MIAT: variants seen among roughly 807,000 people sequenced by gnomAD.
MIAT encodes the protein MI related novel mRNA.
intron 2 of MIAT, among the ~76,000 whole-genome samples, chr22:26,657,018 A>C (rs1425958699): frequency 1.3e-5 from 2 of 152,076 alleles, no homozygotes; most frequent in Admixed American, 6.5e-5. Flanking sequence ...TCAAATCTGG[A>C]CTCCACCATA....
exon 4 of MIAT, chr22:26,666,303 A>T: frequency 2.5e-6 from 1 of 398,648 alleles, no homozygotes; most frequent in Non-Finnish European, 4.4e-6. Context: ...GTGGTCTTAA[A>T]AGAGTCCTAG....
chr22:26,667,640 G>GA (rs11428205), intron 5 of MIAT: 2 of 231,580 alleles, frequency 8.6e-6, no homozygotes, highest in Admixed American at 1.2e-4. Context: ...TGCCTGGTGG[G>GA]TATTCTCAGC....
exon 4 of MIAT, chr22:26,666,430 C>A: frequency 2.5e-6 from 1 of 398,672 alleles, no homozygotes; most frequent in East Asian, 3.6e-5. Flanking sequence ...CTTCCATTTC[C>A]CATCCATTGC....
intron 2 of MIAT, among the ~76,000 whole-genome samples, chr22:26,658,982 A>G (rs1347180424): frequency 2.0e-5 from 3 of 152,212 alleles, no homozygotes; most frequent in African/African-American, 7.2e-5. Flanking sequence ...GACGCAGGGC[A>G]GGGATGAGTA....
At chr22:26,673,702 AAC>A (rs1166784123), downstream of MIAT, 35 of 398,566 alleles carry the variant, frequency 8.8e-5, no homozygotes, top group African/African-American at 5.4e-4. Flanking sequence ...GAACTTGACT[AAC>A]ACAGGGAAAA....
chr22:26,663,588 G>T (rs1200711594), intron 3 of MIAT: 1 of 387,590 alleles, frequency 2.6e-6, no homozygotes, highest in East Asian at 3.7e-5. Context: ...CTTGAAGTGG[G>T]TGGTCTGTGT....
intron 2 of MIAT, among the ~76,000 whole-genome samples, chr22:26,657,959 C>A (rs1220407833): frequency 6.6e-6 from 1 of 152,110 alleles, no homozygotes; most frequent in Non-Finnish European, 1.5e-5. Flanking sequence ...GGAACAAAGA[C>A]CCTTTCCTTC....
chr22:26,651,024 G>A (rs540888054), intron 2 of MIAT, among the ~76,000 whole-genome samples: 2 of 152,276 alleles, frequency 1.3e-5, no homozygotes, highest in African/African-American at 4.8e-5. Context: ...TGGCAAGTAA[G>A]TGGGCAAGGG....
chr22:26,648,717 C>G (rs942860020), intron 2 of MIAT, among the ~76,000 whole-genome samples: 1 of 152,176 alleles, frequency 6.6e-6, no homozygotes, highest in Non-Finnish European at 1.5e-5. Context: ...GTCAAAGCAA[C>G]AGCATCTGCT....
chr22:26,658,688 C>G (rs1029107696), intron 2 of MIAT, among the ~76,000 whole-genome samples: 8 of 152,318 alleles, frequency 5.3e-5, no homozygotes, highest in East Asian at 1.9e-4. Flanking sequence ...TCCCAGGCTC[C>G]GGATCCGAGG....
chr22:26,647,421 GAGAGATT>G, intron 2 of MIAT: 1 of 211,204 alleles, frequency 4.7e-6, no homozygotes. Context: ...GAGAGAGAGA[GAGAGATT>G]GTGTACAACA....
downstream of MIAT, chr22:26,672,626 G>A: frequency 2.5e-6 from 1 of 399,196 alleles, no homozygotes; most frequent in Non-Finnish European, 4.4e-6. Context: ...ATTGTTAAGT[G>A]ACGGGGATAG....
At chr22:26,670,032 G>C, downstream of MIAT, 1 of 397,562 alleles carries the variant, frequency 2.5e-6, no homozygotes. Context: ...CATCCATCTG[G>C]GAGTATAGAC....
downstream of MIAT, chr22:26,673,008 G>C (rs1931112166): frequency 2.5e-6 from 1 of 398,492 alleles, no homozygotes; most frequent in Non-Finnish European, 4.4e-6. Context: ...GTGGGGCCGT[G>C]ACCGGAAGTC....
At position 26,663,639 on chromosome 22, in the gene MIAT, A is replaced by T. The variant is rs546573115; in HGVS notation, n.729+241A>T. 13 of 372,258 alleles carry T rather than the reference A, an allele frequency of 3.5e-5. 1 individual carries two copies. The highest frequency in any genetic ancestry group is 2.3e-4 in the African/African-American group (11 of 48,188). The allele number at this position is 372,258 out of a possible 1,614,324, so 23.1% of individuals were successfully genotyped here. The stretch of plus-strand genomic sequence containing the variant: ...GAGATGATGAGGCCCTGGTGCTCAC[A>T]ACTGGTTCTTTGTGCGGCCTTTGAT... On this transcript the variant is annotated intron_variant and non_coding_transcript_variant, in intron 3 of 5. Transcript: ENST00000643270.
At position 26,660,479 on chromosome 22, in the gene MIAT, A is replaced by AG. The variant is rs1404727807; in HGVS notation, n.647-2837_647-2836insG. On this transcript the variant is annotated intron_variant and non_coding_transcript_variant, in intron 2 of 5. Coordinates refer to ENST00000643270, the Ensembl canonical transcript of MIAT. ...ACTATCTCAAAAAAAAAAAAAAAAA[A>AG]AAGAAGAAGAAGAAGAAAAGAAATT... 3.6e-5 allele frequency among the ~76,000 whole-genome samples: 5 copies of AG among 139,760 alleles called. No individual in the cohort carries two copies. The East Asian group carries it at 6.5e-4, about 18-fold the overall frequency. 91.7% of individuals were successfully genotyped at this position (139,760 alleles called of 152,430 possible). A position where few individuals can be genotyped will look rare whatever the true frequency, so the allele number is the denominator to read the frequency against.
chr22:26,656,740 T>A (rs1332535831), intron 2 of MIAT, among the ~76,000 whole-genome samples: 1 of 151,848 alleles, frequency 6.6e-6, no homozygotes, highest in African/African-American at 2.4e-5. Flanking sequence ...AGAGGGCAGT[T>A]AAATAAAAGA....
intron 3 of MIAT, among the ~76,000 whole-genome samples, chr22:26,664,624 G>A (rs1465801050): frequency 6.6e-6 from 1 of 152,076 alleles, no homozygotes; most frequent in Non-Finnish European, 1.5e-5. Context: ...GTTGAGCCTA[G>A]CTTCTTTCCC....
At chr22:26,653,656 G>C (rs1261087549) in intron 2 of MIAT, among the ~76,000 whole-genome samples, 4 of 152,268 alleles carry the variant, frequency 2.6e-5, no homozygotes, top group African/African-American at 9.6e-5. Context: ...AAAGCATTGT[G>C]ACCTGACCAA....
Sources: allele counts gnomAD v4.1 joint callset (sites outside exome capture counted in the v4.1 genomes callset), GRCh38; gene constraint gnomAD v4.1.1; transcripts MANE v1.5; gene names NCBI Gene and HGNC (gene_info 2026-07-23, HGNC 2026-07-21).